Variants in NEB observed in about 807,000 individuals in gnomAD.
The protein encoded by NEB is nebulin.
NEB carries 512 observed loss-of-function variants against 952.2 expected under a neutral mutation model. The ratio of observed to expected loss-of-function variants is 0.54; its 90% CI spans 0.50 to 0.58. The LOEUF (loss-of-function observed/expected upper bound fraction) is 0.58, where lower values mean the gene tolerates loss of function less well. Ranked by LOEUF, NEB falls within the 20% of genes least tolerant of loss-of-function variation. NEB has a pLI of 0.00. For missense variants in NEB, 8,428 were observed against 9,231.1 expected (o/e 0.91, Z 3.56); for synonymous variants, 2,900 against 3,149.8 (o/e 0.92, Z 2.66).
rs748395516 is a variant in NEB at position 151,636,275 on chromosome 2, G to A, written c.9054C>T (p.Asp3018=). Residue 3018 remains aspartate, a synonymous_variant, in exon 64 of 182, where the codon GAC becomes GAT. Transcript: ENST00000397345. The part of the protein sequence containing the change: ...AKKKGYDLRS[D]AIPIVAAKAS... ...CCTTGGCCGCCACGATGGGGATGGC[G>A]TCGCTTCGCAAGTCATAGCCTTTCT... The A allele has an allele frequency of 6.1e-5, 98 of 1,610,048 alleles. No individual in the cohort carries two copies. Among genetic ancestry groups the A allele is most frequent in the South Asian group, 3.2e-4 (29 of 91,070 alleles).
chr2:151,505,671 T>C, intron 164 of NEB, 101 bp from the exon 165 acceptor site: 8 of 967,318 alleles, frequency 8.3e-6, no homozygotes, highest in Non-Finnish European at 1.3e-5. Context: ...TTAAAAAAAT[T>C]AACAGTGTAA....
intron 71 of NEB, among the ~76,000 whole-genome samples, chr2:151,624,221 A>G (rs1045663076): frequency 6.6e-6 from 1 of 152,108 alleles, no homozygotes; most frequent in South Asian, 2.1e-4. Flanking sequence ...AATATATTGC[A>G]CTGTGGTGAA....
intron 62 of NEB, among the ~76,000 whole-genome samples, 163 bp from the exon 63 acceptor site, chr2:151,639,547 G>A (rs896768048): frequency 6.6e-6 from 1 of 152,194 alleles, no homozygotes; most frequent in Non-Finnish European, 1.5e-5. Flanking sequence ...ATAAAGGAAT[G>A]TGTATTTATA....
intron 168 of NEB, 126 bp from the exon 169 acceptor site, chr2:151,499,516 C>A: frequency 1.6e-6 from 1 of 635,472 alleles, no homozygotes; most frequent in Non-Finnish European, 2.8e-6. Context: ...AACAAGTCAA[C>A]CTCTCTGTTC....
intron 113 of NEB, 140 bp downstream of exon 113, chr2:151,567,931 C>A: frequency 1.6e-6 from 1 of 630,034 alleles, no homozygotes; most frequent in South Asian, 2.1e-5. Context: ...AGCAGGTACT[C>A]CAACCATCAC....
chr2:151,626,096 A>G (rs1311590409), intron 70 of NEB, among the ~76,000 whole-genome samples: 2 of 150,684 alleles, frequency 1.3e-5, no homozygotes, highest in Non-Finnish European at 3.0e-5. Flanking sequence ...GATAAATGTT[A>G]TGAAGATTTG....
Position 151,567,318 on chromosome 2 carries a change from T to A in NEB, c.18006A>T (p.Ile6002=). The A allele has an allele frequency of 6.2e-7, 1 of 1,613,900 alleles. No individual in the cohort carries two copies. Among genetic ancestry groups the A allele is most frequent in the Non-Finnish European group, 8.5e-7 (1 of 1,179,846 alleles). ...CCAAGACTGACACCATATCAGCAGGTATATTGATTTTGGCCTTTGTTTTGT... is the reference window on the plus strand; with the variant it reads ...CCAAGACTGACACCATATCAGCAGGAATATTGATTTTGGCCTTTGTTTTGT... ...DYHKTKAKIN[I]PADMVSVLAA... Residue 6002 remains isoleucine (I), a synonymous_variant, in exon 114 of 182, where the codon ATA becomes ATT. Transcript: ENST00000397345.
intron 105 of NEB, among the ~76,000 whole-genome samples, chr2:151,578,734 GGAAGGAAGGAGA>G (rs2096988379): frequency 6.7e-6 from 1 of 148,490 alleles, no homozygotes; most frequent in Non-Finnish European, 1.5e-5. Flanking sequence ...AGGGAAGGAA[GGAAGGAAGGAGA>G]GAAGGAAGGA....
chr2:151,723,750 G>GTTTTTTTTTTTTTTTTTTTT (rs11308757), intron 8 of NEB, among the ~76,000 whole-genome samples: 1 of 51,364 alleles, frequency 1.9e-5, no homozygotes, highest in Non-Finnish European at 3.7e-5. Context: ...TGCCTTCTTT[G>GTTTTTTTTTTTTTTTTTTTT]TTTTTTTTTT....
chr2:151,727,788 A>G lies in NEB; in HGVS notation c.197T>C (p.Val66Ala). The G allele has an allele frequency of 1.9e-6, 3 of 1,613,108 alleles. No homozygotes were observed. The highest frequency in any genetic ancestry group is 8.5e-7 in the Non-Finnish European group (1 of 1,179,488). Residue 66 changes from valine to alanine, a missense_variant, in exon 5 of 182, where the codon GTG becomes GCG. Coordinates refer to ENST00000397345, the MANE Select transcript of NEB (RefSeq NM_001164508.2). ...CTTCCGGATGACCTTCCTCCTCTCC[A>G]CCGGCTTTGCTGATGCTGGCTGTGC... The part of the protein sequence containing the change: ...ALAQPASAKP[V>A]ERRKVIRKKV...
chr2:151,551,751 T>C lies in NEB; in HGVS notation c.19931A>G (p.Lys6644Arg). The change falls in exon 129 of 182, where the codon AAG becomes AGG. Residue 6644 changes from lysine to arginine, a missense_variant. Physicochemically the swap from Lys to Arg is conservative, Grantham distance 26. Around this residue, in one of 11 missense-constraint regions of NEB, gnomAD observed 3,374 missense variants for 3,651.5 expected, o/e 0.92. Coordinates refer to ENST00000397345, the MANE Select transcript of NEB (RefSeq NM_001164508.2). ...VDLDRALHAY[K>R]LQSSNLYKTS... ...CTCACTGCTCACCGAACTCTGGAGC[T>C]TGTATGCATGAAGGGCCCGGTCCAG... The C allele has an allele frequency of 6.2e-7, 1 of 1,613,472 alleles. No individual in the cohort carries two copies. Among genetic ancestry groups the C allele is most frequent in the Non-Finnish European group, 8.5e-7 (1 of 1,179,572 alleles).
In NEB at chr2:151,565,085, G is replaced by A; in HGVS notation, c.18430C>T (p.His6144Tyr). 6.3e-7 allele frequency: 1 copy of A among 1,599,290 alleles called. No homozygotes were observed. The highest frequency in any genetic ancestry group is 8.6e-7 in the Non-Finnish European group (1 of 1,168,222). ...GKYTFSPDTP[H>Y]ISHSKDMGKL... ...CCCATGTCTTTGGAGTGGGAGATAT[G>A]TGGTGTATCTGGTGAAAACGTATAT... The change falls in exon 117 of 182, where the codon CAT (histidine) becomes TAT (tyrosine). Residue 6144 changes from histidine to tyrosine, a missense_variant. By Grantham distance (83) the His-to-Tyr change is moderately conservative (BLOSUM62 2). Around this residue, in one of 11 missense-constraint regions of NEB, gnomAD observed 3,374 missense variants for 3,651.5 expected, o/e 0.92. Transcript: ENST00000397345.
chr2:151,609,720 C>G, intron 81 of NEB, 89 bp downstream of exon 81: 1 of 1,314,514 alleles, frequency 7.6e-7, no homozygotes, highest in East Asian at 2.3e-5. Flanking sequence ...CAGTGCACAG[C>G]CCAGGGGACT....
At chr2:151,660,362 A>G (rs1369644086) in intron 46 of NEB, among the ~76,000 whole-genome samples, 2 of 151,772 alleles carry the variant, frequency 1.3e-5, no homozygotes, top group South Asian at 2.1e-4. Flanking sequence ...TCTTGTGTGT[A>G]TGTATGTATG....
chr2:151,500,593 CTTT>C (rs11428843), intron 168 of NEB, among the ~76,000 whole-genome samples: 6 of 118,428 alleles, frequency 5.1e-5, no homozygotes, highest in East Asian at 2.5e-4. Context: ...TTCTTTCTTC[CTTT>C]TTTTTTTTTT....
rs1311299385 is a variant in NEB at position 151,579,474 on chromosome 2, A to T, written c.16568T>A (p.Val5523Glu). ...ACCTTCTTTGGCAGCGCTGATGGACACCATGTCCACAGGGATGGAGATCTT... is the reference window on the plus strand; with the variant it reads ...ACCTTCTTTGGCAGCGCTGATGGACTCCATGTCCACAGGGATGGAGATCTT... ...KAKISIPVDM[V>E]SISAAKEGQA... is the part of the protein sequence containing the mutation. The change falls in exon 105 of 182, where the codon GTG becomes GAG. Residue 5523 changes from valine (V) to glutamate (E), a missense_variant. Physicochemically the swap from Val to Glu is moderately radical, Grantham distance 121. This residue lies in a region of NEB where 3 missense variants were observed against 82.2 expected (regional missense o/e 0.04). Coordinates refer to ENST00000397345, the MANE Select transcript of NEB (RefSeq NM_001164508.2). 6.6e-7 allele frequency: 1 copy of T among 1,512,080 alleles called. No homozygotes were observed. The allele number at this position is 1,512,080 out of a possible 1,614,324, so 93.7% of individuals were successfully genotyped here. A position where few individuals can be genotyped will look rare whatever the true frequency, so the allele number is the denominator to read the frequency against.
rs1025474893 is a variant in NEB at position 151,724,930 on chromosome 2, T to C, written c.434A>G (p.Lys145Arg). The change falls in exon 7 of 182, where the codon AAG becomes AGG. Residue 145 changes from lysine to arginine, a missense_variant. Lys to Arg is a conservative substitution (Grantham distance 26). Transcript: ENST00000397345. The part of the protein sequence containing the change: ...VKYRMDGDVA[K>R]TICHVDEKAK... Reference sequence around the variant, plus strand: ...TTTTTCATCTACGTGACATATAGTCTTAGCAACATCACCATCCATTCGATA... The same window carrying C: ...TTTTTCATCTACGTGACATATAGTCCTAGCAACATCACCATCCATTCGATA... 1.2e-6 allele frequency: 2 copies of C among 1,613,882 alleles called. No homozygotes were observed. The highest frequency in any genetic ancestry group is 2.2e-5 in the South Asian group (2 of 91,082).
chr2:151,574,075 C>T (rs944852830), intron 107 of NEB, among the ~76,000 whole-genome samples: 12 of 152,076 alleles, frequency 7.9e-5, no homozygotes, highest in African/African-American at 2.4e-5. Context: ...CTGGGTTTCA[C>T]GCCATTCTCC....
chr2:151,693,290 G>A (rs1424208173), intron 20 of NEB, among the ~76,000 whole-genome samples: 1 of 152,002 alleles, frequency 6.6e-6, no homozygotes, highest in Non-Finnish European at 1.5e-5. Flanking sequence ...AAGTTCAGGT[G>A]TACATGTGCA....
Sources: allele counts gnomAD v4.1 joint callset (sites outside exome capture counted in the v4.1 genomes callset), GRCh38; gene constraint gnomAD v4.1.1; regional missense constraint gnomAD v4.1.1; transcripts MANE v1.5; gene names NCBI Gene and HGNC (gene_info 2026-07-23, HGNC 2026-07-21).